LONRF1: variants seen among roughly 807,000 people sequenced by gnomAD.
LONRF1 encodes the protein LON peptidase N-terminal domain and ring finger 1.
In LONRF1, 37 loss-of-function variants were observed where a neutral mutation model predicts 85.8. The observed-to-expected ratio is 0.43, with a 90% confidence interval of 0.33 to 0.57. The LOEUF (loss-of-function observed/expected upper bound fraction) is 0.57. LONRF1 is among the 20% of genes least tolerant of loss of function. LONRF1 has a pLI of 0.04. For synonymous variants in LONRF1, 517 were observed against 390.1 expected, an observed-to-expected ratio of 1.33 and a Z score of -3.83; for missense variants, 1,036 against 978.0, an observed-to-expected ratio of 1.06 and a Z score of -0.79.
chr8:12,749,653 T>G (rs1240947114), intron 1 of LONRF1, among the ~76,000 whole-genome samples: 2 of 152,152 alleles, frequency 1.3e-5, no homozygotes, highest in African/African-American at 2.4e-5. Flanking sequence ...AACAAATTAT[T>G]CATTTGAAAT....
Position 12,755,056 on chromosome 8 carries a change from C to A in LONRF1, c.365G>T (p.Arg122Ile). The A allele has an allele frequency of 1.4e-6, 2 of 1,477,086 alleles. No homozygotes were observed. Among genetic ancestry groups the A allele is most frequent in the East Asian group, 5.9e-5 (2 of 34,044 alleles). 91.5% of individuals were successfully genotyped at this position (1,477,086 alleles called of 1,614,324 possible). A position where few individuals can be genotyped will look rare whatever the true frequency, so the allele number is the denominator to read the frequency against. ...CAGGAAGCCCCGGCAGCCCAGGCAT[C>A]TGAGGAGCCCGCCGGCGCCGCCGTC... ...GADGGAGGLLRCLGCRGFLSE... is the reference protein window; with the variant it reads ...GADGGAGGLLICLGCRGFLSE... Residue 122 changes from arginine (R) to isoleucine (I), a missense_variant, in exon 1 of 12, where the codon AGA becomes ATA. Around this residue, in one of 3 missense-constraint regions of LONRF1, gnomAD observed 742 missense variants for 614.4 expected, o/e 1.21. Transcript: ENST00000398246.
intron 10 of LONRF1, among the ~76,000 whole-genome samples, chr8:12,726,179 G>A (rs1340782196): frequency 6.6e-6 from 1 of 152,114 alleles, no homozygotes; most frequent in Non-Finnish European, 1.5e-5. Flanking sequence ...AGTGAGTTCT[G>A]GTTCAGAGGT....
chr8:12,754,478 G>A, intron 1 of LONRF1: 2 of 430,720 alleles, frequency 4.6e-6, no homozygotes, highest in Non-Finnish European at 7.4e-6. Flanking sequence ...TCCCCGCGCC[G>A]CGTCACAGTC....
chr8:12,737,274 G>T (rs894839321), intron 4 of LONRF1, 134 bp from the exon 5 acceptor site: 1 of 1,063,094 alleles, frequency 9.4e-7, no homozygotes, highest in Admixed American at 1.9e-5. Context: ...GCACTAACTT[G>T]ATTCCAACAC....
chr8:12,750,508 T>C (rs1799337887), intron 1 of LONRF1, among the ~76,000 whole-genome samples: 1 of 152,240 alleles, frequency 6.6e-6, no homozygotes, highest in African/African-American at 2.4e-5. Context: ...TGATAAAACG[T>C]ACATGAAAGT....
Position 12,748,515 on chromosome 8 carries a change from T to C in LONRF1, c.722-5233A>G, listed in dbSNP as rs533247733. ...CTGGGCCTAGAAAGTTATAAAGATA[T>C]ACAACATTTCCAACACATTCTGCCA... On this transcript the variant is annotated intron_variant, in intron 1 of 11. Coordinates refer to ENST00000398246, the MANE Select transcript of LONRF1 (RefSeq NM_152271.5). Among the ~76,000 whole-genome samples the C allele has an allele frequency of 5.9e-5, 9 of 152,328 alleles. No homozygotes were observed. In the South Asian group the frequency reaches 1.7e-3, roughly 28 times the overall value.
At chr8:12,750,463 C>T (rs1799335610) in intron 1 of LONRF1, among the ~76,000 whole-genome samples, 1 of 152,100 alleles carries the variant, frequency 6.6e-6, no homozygotes, top group Non-Finnish European at 1.5e-5. Flanking sequence ...GCAACAATAA[C>T]TGATGATAAA....
chr8:12,749,712 G>A (rs1175817295), intron 1 of LONRF1, among the ~76,000 whole-genome samples: 2 of 152,144 alleles, frequency 1.3e-5, no homozygotes, highest in East Asian at 1.9e-4. Context: ...AGCCATTACA[G>A]TTGATCTTTT....
At chr8:12,753,458 T>C (rs1030271939) in intron 1 of LONRF1, 2 of 152,116 alleles carry the variant, frequency 1.3e-5, no homozygotes, top group Non-Finnish European at 2.9e-5. Flanking sequence ...TAACACAAGG[T>C]TTATCAACAG....
chr8:12,726,145 T>C (rs10100866), intron 10 of LONRF1: 256,523 of 303,484 alleles, frequency 0.85, 109,438 homozygotes, highest in East Asian at 0.99. Flanking sequence ...ACAACAGCCC[T>C]CAAGTGGGAA....
chr8:12,751,304 T>TTTGTTTG (rs59347201), intron 1 of LONRF1, among the ~76,000 whole-genome samples: 31,555 of 121,330 alleles, frequency 0.26, 5,695 homozygotes, highest in East Asian at 0.48. Context: ...ATGTTTTTTT[T>TTTGTTTG]TTTTTTTTTT....
chr8:12,723,576 A>T (rs1806016874), intron 11 of LONRF1, among the ~76,000 whole-genome samples: 1 of 152,208 alleles, frequency 6.6e-6, no homozygotes, highest in Non-Finnish European at 1.5e-5. Context: ...ACTTTGAGCC[A>T]GATAATTCTT....
intron 11 of LONRF1, among the ~76,000 whole-genome samples, chr8:12,724,354 C>T (rs1253658471): frequency 2.6e-5 from 4 of 152,102 alleles, no homozygotes; most frequent in Admixed American, 6.6e-5. Context: ...GACAGTGGTG[C>T]AGACTTGCTG....
At chr8:12,742,827 G>A (rs1798990990) in intron 2 of LONRF1, among the ~76,000 whole-genome samples, 1 of 152,064 alleles carries the variant, frequency 6.6e-6, no homozygotes, top group African/African-American at 2.4e-5. Context: ...CAGGGCTCCA[G>A]TGACCTTCCC....
chr8:12,736,604 G>C (rs971516077), intron 6 of LONRF1, 97 bp downstream of exon 6: 8 of 805,928 alleles, frequency 9.9e-6, no homozygotes, highest in Non-Finnish European at 1.5e-5. Context: ...TTCCAGCATT[G>C]TGTTACTTTA....
chr8:12,755,522 C>A lies in LONRF1; in HGVS notation c.-102G>T. On this transcript the variant is annotated 5_prime_UTR_variant, in exon 1 of 12. Coordinates refer to ENST00000398246, the MANE Select transcript of LONRF1 (RefSeq NM_152271.5). ...CCCGCGAGCAGGGGGGCGTGGCGCGCGGACACGGCGGGGCTGCGCGCGCCC... is the reference window on the plus strand; with the variant it reads ...CCCGCGAGCAGGGGGGCGTGGCGCGAGGACACGGCGGGGCTGCGCGCGCCC... 1 of 485,024 alleles carries A rather than the reference C, an allele frequency of 2.1e-6. No individual in the cohort carries two copies. Among genetic ancestry groups the A allele is most frequent in the African/African-American group, 2.1e-5 (1 of 47,294 alleles). 30.0% of individuals were successfully genotyped at this position (485,024 alleles called of 1,614,324 possible).
At position 12,722,041 on chromosome 8, in the gene LONRF1, A is replaced by G. The variant is rs1336230499; in HGVS notation, c.*1055T>C. 1 of 152,658 alleles carries G rather than the reference A, an allele frequency of 6.6e-6. No homozygotes were observed. Among genetic ancestry groups the G allele is most frequent in the East Asian group, 1.9e-4 (1 of 5,198 alleles). 9.5% of individuals were successfully genotyped at this position (152,658 alleles called of 1,614,324 possible). On this transcript the variant is annotated 3_prime_UTR_variant, in exon 12 of 12. Coordinates refer to ENST00000398246, the MANE Select transcript of LONRF1 (RefSeq NM_152271.5). The stretch of plus-strand genomic sequence containing the variant: ...GCAACAAATAATTACAAAAGTTTCT[A>G]GGGCAGCATGAATATAAACCATGTT...
At chr8:12,735,431 C>A in intron 6 of LONRF1, 31 bp from the exon 7 acceptor site, 1 of 1,351,002 alleles carries the variant, frequency 7.4e-7, no homozygotes, top group Non-Finnish European at 1.0e-6. Flanking sequence ...TGTTAGTTTT[C>A]ACATTAAACT....
chr8:12,742,616 A>G (rs897738085), intron 2 of LONRF1, among the ~76,000 whole-genome samples: 2 of 152,194 alleles, frequency 1.3e-5, no homozygotes, highest in Admixed American at 1.3e-4. Context: ...TTCTTTGCAG[A>G]CATTTTGTAT....
Sources: gnomAD v4.1 joint callset for allele counts (sites outside exome capture counted in the v4.1 genomes callset) on GRCh38, gnomAD v4.1.1 for gene constraint, gnomAD v4.1.1 regional missense constraint, MANE v1.5 for transcripts, NCBI Gene and HGNC (gene_info 2026-07-23, HGNC 2026-07-21) for gene names.